DSTYK: variants seen among roughly 807,000 people sequenced by gnomAD.
DSTYK encodes RIP-homologous kinase.
Under a neutral mutation model 98.7 loss-of-function variants are expected in DSTYK, and 34 were observed. The ratio of observed to expected loss-of-function variants is 0.34; its 90% CI spans 0.26 to 0.46. The LOEUF (loss-of-function observed/expected upper bound fraction) is 0.46. Among genes scored for constraint, DSTYK ranks in the 20% least tolerant of loss-of-function variants. DSTYK has a pLI of 1.00. For synonymous variants in DSTYK, 462 were observed against 457.3 expected (o/e 1.01, Z -0.13); for missense variants, 962 against 1,181.7 (o/e 0.81, Z 2.73).
At chr1:205,161,508 A>T in intron 6 of DSTYK, 121 bp from the exon 7 acceptor site, 1 of 1,062,938 alleles carries the variant, frequency 9.4e-7, no homozygotes, top group Non-Finnish European at 1.3e-6. Context: ...AACAAGATAC[A>T]TGTAACATGT....
In DSTYK at chr1:205,169,682, G is replaced by A. The variant is rs766990251; in HGVS notation, c.805C>T (p.Arg269Ter). 3.7e-6 allele frequency: 6 copies of A among 1,614,138 alleles called. No homozygotes were observed. Among genetic ancestry groups the A allele is most frequent in the East Asian group, 4.5e-5 (2 of 44,878 alleles). ...AATACAGGAAAGGAGAAATACTTTCGGATTTCCTGAAGCTCTTGCTCATCC... is the reference window on the plus strand; with the variant it reads ...AATACAGGAAAGGAGAAATACTTTCAGATTTCCTGAAGCTCTTGCTCATCC... ...ERDEQELQEIRKYFSFPVFFF... is the reference protein window; with the variant it reads ...ERDEQELQEI Residue 269 changes from arginine (R) to a stop codon, truncating the protein, a stop_gained, in exon 3 of 13, where the codon CGA becomes TGA. Transcript: ENST00000367162. LOFTEE classifies it high-confidence loss of function. This position sits in a 1 kb window ranked among gnomAD's most constrained non-coding sequence, Gnocchi z 4.0.
At position 205,187,380 on chromosome 1, in the gene DSTYK, A is replaced by G. The variant is rs762499477; in HGVS notation, c.654+38T>C. The G allele has an allele frequency of 1.1e-5, 17 of 1,554,004 alleles. No individual in the cohort carries two copies. In the South Asian group the frequency reaches 2.0e-4, roughly 18 times the overall value. ...GTCAAAATAAAAGGAAAGCTGGTAT[A>G]TATGTATACAATTGGTATAGAAGTA... On this transcript the variant is annotated intron_variant, in intron 2 of 12. Transcript: ENST00000367162.
At chr1:205,196,011 G>A (rs979166509) in intron 1 of DSTYK, among the ~76,000 whole-genome samples, 4 of 152,176 alleles carry the variant, frequency 2.6e-5, no homozygotes, top group African/African-American at 9.7e-5. Flanking sequence ...GGAACGCAGT[G>A]TATAACAGTT....
chr1:205,194,541 TCA>T (rs1476805525), intron 1 of DSTYK, among the ~76,000 whole-genome samples: 1 of 110,232 alleles, frequency 9.1e-6, no homozygotes, highest in Non-Finnish European at 1.7e-5. Flanking sequence ...TTTAAAAATC[TCA>T]CTTTTTTTTT....
intron 1 of DSTYK, among the ~76,000 whole-genome samples, chr1:205,192,868 G>GA (rs1275761855): frequency 2.0e-5 from 3 of 152,060 alleles, no homozygotes; most frequent in Non-Finnish European, 2.9e-5. Context: ...ATTTCAAAAA[G>GA]AAAAAACAAG....
At chr1:205,178,533 C>T (rs1374290284) in intron 2 of DSTYK, among the ~76,000 whole-genome samples, 1 of 152,074 alleles carries the variant, frequency 6.6e-6, no homozygotes, top group African/African-American at 2.4e-5. Context: ...GTATTATTAA[C>T]CTTTTATAAC....
chr1:205,152,660 AT>A lies in DSTYK; in HGVS notation c.2353-1867del, dbSNP rs572810153. ...TGGAACCAGAAGTGTTTTGAATTTCATTTTTTTTTTTTCAGATTTTGGAATG... is the reference window on the plus strand; with the variant it reads ...TGGAACCAGAAGTGTTTTGAATTTCATTTTTTTTTTTCAGATTTTGGAATG... On this transcript the variant is annotated intron_variant, in intron 10 of 12. Transcript: ENST00000367162. Among the ~76,000 whole-genome samples, 149 of 138,030 alleles carry A rather than the reference AT, an allele frequency of 1.1e-3. 1 individual carries two copies. Among genetic ancestry groups the A allele is most frequent in the South Asian group, 7.6e-3 (33 of 4,322 alleles). The allele number at this position is 138,030 out of a possible 152,430, so 90.6% of individuals were successfully genotyped here.
chr1:205,193,454 G>T (rs769348706), intron 1 of DSTYK, among the ~76,000 whole-genome samples: 5 of 152,184 alleles, frequency 3.3e-5, no homozygotes, highest in African/African-American at 7.2e-5. Context: ...AACTAAAGGA[G>T]ATTGGAAGGC....
intron 8 of DSTYK, 91 bp downstream of exon 8, chr1:205,160,022 GC>G: frequency 7.0e-7 from 1 of 1,428,038 alleles, no homozygotes; most frequent in Non-Finnish European, 9.9e-7. Context: ...ATATAGAGAG[GC>G]CATGCTGTAG....
chr1:205,178,324 T>C (rs139165352), intron 2 of DSTYK, among the ~76,000 whole-genome samples: 189 of 152,124 alleles, frequency 1.2e-3, no homozygotes, highest in African/African-American at 4.3e-3. Context: ...TAAGAATATA[T>C]TGAATGGTCT....
At position 205,211,671 on chromosome 1, in the gene DSTYK, C is replaced by T. The variant is rs1191433871; in HGVS notation, c.-136G>A. 14 of 1,215,960 alleles carry T rather than the reference C, an allele frequency of 1.2e-5. No individual in the cohort carries two copies. Among genetic ancestry groups the T allele is most frequent in the African/African-American group, 1.6e-5 (1 of 61,978 alleles). The allele number at this position is 1,215,960 out of a possible 1,614,324, so 75.3% of individuals were successfully genotyped here. A position where few individuals can be genotyped will look rare whatever the true frequency, so the allele number is the denominator to read the frequency against. The stretch of plus-strand genomic sequence containing the variant: ...GCCTGCAGTCAGCCTGGCTCCCAAC[C>T]TCCGTCACTGCCGTTGCAAACAAAC... On this transcript the variant is annotated 5_prime_UTR_variant, in exon 1 of 13. Coordinates refer to ENST00000367162, the MANE Select transcript of DSTYK (RefSeq NM_015375.3).
intron 1 of DSTYK, among the ~76,000 whole-genome samples, chr1:205,203,583 GGGGAA>G (rs1558628113): frequency 3.0e-4 from 24 of 80,406 alleles, no homozygotes; most frequent in African/African-American, 1.0e-3. Flanking sequence ...GGGGAGGGGA[GGGGAA>G]GGGAGGGGGC....
rs1425285151 is a variant in DSTYK at position 205,169,179 on chromosome 1, A to G, written c.1308T>C (p.Thr436=). ...TMKEELLDDA[T]NMEFKDVIVP... is the part of the protein sequence containing the mutation. ...GGGACCTACCTTTAAACTCCATGTT[A>G]GTAGCATCATCCAGAAGTTCCTCCT... The change falls in exon 3 of 13, where the codon ACT becomes ACC. Residue 436 remains threonine (T), a synonymous_variant. Transcript: ENST00000367162. This position sits in a 1 kb window ranked among gnomAD's most constrained non-coding sequence, Gnocchi z 4.0. The G allele has an allele frequency of 3.8e-6, 6 of 1,599,858 alleles. No individual in the cohort carries two copies. Among genetic ancestry groups the G allele is most frequent in the Admixed American group, 1.7e-5 (1 of 59,402 alleles).
chr1:205,150,287 T>C lies in DSTYK; in HGVS notation c.2467+393A>G, dbSNP rs148524672. 1.1e-3 allele frequency among the ~76,000 whole-genome samples: 165 copies of C among 152,288 alleles called. 1 individual carries two copies. Among genetic ancestry groups the C allele is most frequent in the African/African-American group, 3.7e-3 (155 of 41,548 alleles). ...ATTATATAGCACTTAATTTAGCACTTAATCATACGTTGTGTTGTACTGCTT... is the reference window on the plus strand; with the variant it reads ...ATTATATAGCACTTAATTTAGCACTCAATCATACGTTGTGTTGTACTGCTT... On this transcript the variant is annotated intron_variant, in intron 11 of 12. Coordinates refer to ENST00000367162, the MANE Select transcript of DSTYK (RefSeq NM_015375.3). This position sits in a 1 kb window ranked among gnomAD's most constrained non-coding sequence, Gnocchi z 4.1.
chr1:205,154,990 A>ATTTC (rs1657516266), intron 10 of DSTYK, among the ~76,000 whole-genome samples: 1 of 151,574 alleles, frequency 6.6e-6, no homozygotes, highest in Non-Finnish European at 1.5e-5. Context: ...TTATTTATTT[A>ATTTC]TTTATTTATT....
intron 4 of DSTYK, 119 bp downstream of exon 4, chr1:205,163,604 T>C (rs1158122587): frequency 2.3e-6 from 2 of 862,556 alleles, no homozygotes; most frequent in Non-Finnish European, 3.6e-6. Flanking sequence ...AAAATAAAAT[T>C]CAAACAAGAT....
chr1:205,145,236 A>G lies in DSTYK; in HGVS notation c.*2322T>C, dbSNP rs1054807860. The stretch of plus-strand genomic sequence containing the variant: ...AATATACTGAACATCCTACCAAAAC[A>G]AGGCTAAAGCCTGCAGAGCCCAAAG... On this transcript the variant is annotated 3_prime_UTR_variant, in exon 13 of 13. Coordinates refer to ENST00000367162, the MANE Select transcript of DSTYK (RefSeq NM_015375.3). 2 of 152,178 alleles carry G rather than the reference A, an allele frequency of 1.3e-5. No homozygotes were observed. Among genetic ancestry groups the G allele is most frequent in the Non-Finnish European group, 2.9e-5 (2 of 68,034 alleles). 9.4% of individuals were successfully genotyped at this position (152,178 alleles called of 1,614,324 possible). A position where few individuals can be genotyped will look rare whatever the true frequency, so the allele number is the denominator to read the frequency against.
At chr1:205,194,510 G>A (rs1398720182) in intron 1 of DSTYK, among the ~76,000 whole-genome samples, 1 of 151,198 alleles carries the variant, frequency 6.6e-6, no homozygotes, top group Non-Finnish European at 1.5e-5. Context: ...TGGTACCCAA[G>A]GATTTCCCTC....
chr1:205,142,749 CT>C lies in DSTYK; in HGVS notation c.*4808del, dbSNP rs1213697508. 3 of 152,212 alleles carry C rather than the reference CT, an allele frequency of 2.0e-5. No homozygotes were observed. Among genetic ancestry groups the C allele is most frequent in the African/African-American group, 7.2e-5 (3 of 41,448 alleles). The allele number at this position is 152,212 out of a possible 1,614,324, so 9.4% of individuals were successfully genotyped here. ...CTGAAGTGTGTGCCAAAGTCATTGT[CT>C]TTTGTTATTGCACTTTTATTCTACA... is the stretch of plus-strand genomic sequence containing the variant. On this transcript the variant is annotated 3_prime_UTR_variant, in exon 13 of 13. Transcript: ENST00000367162.
Sources: gnomAD v4.1 joint callset for allele counts (sites outside exome capture counted in the v4.1 genomes callset) on GRCh38, gnomAD v4.1.1 for gene constraint, Gnocchi (gnomAD v3.1) non-coding constraint, MANE v1.5 for transcripts, NCBI Gene and HGNC (gene_info 2026-07-23, HGNC 2026-07-21) for gene names.